Variants in HHIP observed in about 807,000 individuals in gnomAD.
HHIP encodes the protein hedgehog interacting protein.
Under a neutral mutation model 74.0 loss-of-function variants are expected in HHIP, and 12 were observed. The observed-to-expected ratio is 0.16, with a 90% CI of 0.10 to 0.26. The LOEUF is 0.26. HHIP is among the 10% of genes least tolerant of loss of function. The pLI, the probability that HHIP is intolerant of heterozygous loss-of-function variation, is 1.00. For missense variants in HHIP, 788 were observed against 845.0 expected (o/e 0.93, Z 0.84); for synonymous variants, 309 against 311.6 (o/e 0.99, Z 0.09).
At position 144,706,608 on chromosome 4, in the gene HHIP, T is replaced by C. The variant is rs1730155595; in HGVS notation, c.909T>C (p.Tyr303=). 1.2e-6 allele frequency: 2 copies of C among 1,613,614 alleles called. No individual in the cohort carries two copies. The highest frequency in any genetic ancestry group is 1.3e-5 in the African/African-American group (1 of 74,922). The change falls in exon 5 of 13, where the codon TAT becomes TAC. Residue 303 remains tyrosine, a synonymous_variant. Coordinates refer to ENST00000296575, the MANE Select transcript of HHIP (RefSeq NM_022475.3). ...AAAATGGAAAGTTGTATGTGTCCTA[T>C]ACCACCAACCAAGAACGGTGGGCTA... The part of the protein sequence containing the change: ...YKKNGKLYVS[Y]TTNQERWAIG...
Position 144,742,962 on chromosome 4 carries a change from A to ATCTTAT in HHIP, c.*5005_*5006insTCTTAT, listed in dbSNP as rs1560729069. On this transcript the variant is annotated 3_prime_UTR_variant, in exon 13 of 13. Coordinates refer to ENST00000296575, the MANE Select transcript of HHIP (RefSeq NM_022475.3). Reference sequence around the variant, plus strand: ...TCTTATATATATATCTTATACATATAAGATATATGTATATATATATACATT... The same window carrying ATCTTAT: ...TCTTATATATATATCTTATACATATATCTTATAGATATATGTATATATATATACATT... 7.7e-3 allele frequency: 35 copies of ATCTTAT among 4,522 alleles called. No individual in the cohort carries two copies. Among genetic ancestry groups the ATCTTAT allele is most frequent in the Admixed American group, 0.01 (1 of 100 alleles). 0.3% of individuals were successfully genotyped at this position (4,522 alleles called of 1,614,324 possible). A position where few individuals can be genotyped will look rare whatever the true frequency, so the allele number is the denominator to read the frequency against.
At position 144,742,791 on chromosome 4, in the gene HHIP, T is replaced by C. The variant is rs1008792132; in HGVS notation, c.*4834T>C. ...CCTCTTTTTGTCACACAAACATAAA[T>C]TGGTCATATATATATTTATATATAT... is the stretch of plus-strand genomic sequence containing the variant. On this transcript the variant is annotated 3_prime_UTR_variant, in exon 13 of 13. Transcript: ENST00000296575. 12 of 146,684 alleles carry C rather than the reference T, an allele frequency of 8.2e-5. No individual in the cohort carries two copies. Among genetic ancestry groups the C allele is most frequent in the Admixed American group, 6.9e-4 (10 of 14,466 alleles). The allele number at this position is 146,684 out of a possible 1,614,324, so 9.1% of individuals were successfully genotyped here.
In HHIP at chr4:144,646,549, T is replaced by A; in HGVS notation, c.-127T>A. On this transcript the variant is annotated 5_prime_UTR_variant, in exon 1 of 13. Transcript: ENST00000296575. ...TGTACATATTTTTGTCCCCGCCACC[T>A]CCCTCTGTCTCTGGAGTGCCCTACA... The A allele has an allele frequency of 1.1e-6, 1 of 918,480 alleles. No homozygotes were observed. Among genetic ancestry groups the A allele is most frequent in the Non-Finnish European group, 1.7e-6 (1 of 602,026 alleles). The allele number at this position is 918,480 out of a possible 1,614,324, so 56.9% of individuals were successfully genotyped here. A position where few individuals can be genotyped will look rare whatever the true frequency, so the allele number is the denominator to read the frequency against.
rs117614023 is a variant in HHIP at position 144,690,144 on chromosome 4, A to C, written c.832-16387A>C. ...TTGGTATGTTTTGAAAGAGAAGATA[A>C]TTGTGTAAAGATAGATGAAATTCAT... On this transcript the variant is annotated intron_variant, in intron 4 of 12. Coordinates refer to ENST00000296575, the MANE Select transcript of HHIP (RefSeq NM_022475.3). Among the ~76,000 whole-genome samples the C allele has an allele frequency of 5.3e-5, 8 of 152,300 alleles. No homozygotes were observed. In the East Asian group the frequency reaches 1.5e-3, roughly 29 times the overall value.
intron 7 of HHIP, among the ~76,000 whole-genome samples, chr4:144,709,463 T>C (rs1244251367): frequency 2.6e-5 from 4 of 152,108 alleles, no homozygotes; most frequent in Non-Finnish European, 5.9e-5. Context: ...TGCAAAAACA[T>C]GGGATGAGGT....
chr4:144,673,683 C>T (rs1194517005), intron 4 of HHIP, among the ~76,000 whole-genome samples: 2 of 152,108 alleles, frequency 1.3e-5, no homozygotes, highest in Admixed American at 1.3e-4. Flanking sequence ...AAAACATAGA[C>T]CTCTAATAAG....
intron 2 of HHIP, among the ~76,000 whole-genome samples, chr4:144,657,037 A>G (rs1310329372): frequency 6.6e-6 from 1 of 152,016 alleles, no homozygotes; most frequent in Non-Finnish European, 1.5e-5. Flanking sequence ...CACACTCCCA[A>G]GGACATCTGC....
At chr4:144,732,065 C>T (rs1033728944) in intron 11 of HHIP, among the ~76,000 whole-genome samples, 4 of 152,080 alleles carry the variant, frequency 2.6e-5, no homozygotes, top group African/African-American at 9.7e-5. Context: ...TATGTAGCTT[C>T]TGCCCTCAGA....
At chr4:144,667,397 C>T (rs550939507) in intron 4 of HHIP, among the ~76,000 whole-genome samples, 4 of 152,074 alleles carry the variant, frequency 2.6e-5, no homozygotes, top group Non-Finnish European at 2.9e-5. Flanking sequence ...GTATAACTTA[C>T]GGGAAACTCA....
chr4:144,681,170 G>C (rs1369269019), intron 4 of HHIP, among the ~76,000 whole-genome samples: 2 of 151,948 alleles, frequency 1.3e-5, no homozygotes, highest in Non-Finnish European at 2.9e-5. Flanking sequence ...TTCTTTATGT[G>C]AAACCCATTG....
rs201501756 is a variant in HHIP at position 144,734,778 on chromosome 4, C to G, written c.1798C>G (p.Pro600Ala). Residue 600 changes from proline (P) to alanine (A), a missense_variant, in exon 12 of 13, where the codon CCT (proline) becomes GCT (alanine). Transcript: ENST00000296575. ...MPEECRATVQPAQTLTSECSR... is the reference protein window; with the variant it reads ...MPEECRATVQAAQTLTSECSR... The stretch of plus-strand genomic sequence containing the variant: ...TGAGGAATGCAGAGCCACGGTACAA[C>G]CTGCACAGACACTGACTTCAGAGTG... 8 of 1,610,012 alleles carry G rather than the reference C, an allele frequency of 5.0e-6. No individual in the cohort carries two copies. The highest frequency in any genetic ancestry group is 6.8e-6 in the Non-Finnish European group (8 of 1,176,950).
At chr4:144,698,043 T>C (rs561718798) in intron 4 of HHIP, among the ~76,000 whole-genome samples, 12 of 152,298 alleles carry the variant, frequency 7.9e-5, no homozygotes, top group African/African-American at 2.9e-4. Context: ...TGTCTGCATC[T>C]GCTACCTTCA....
At chr4:144,664,962 A>T (rs1728821028) in intron 4 of HHIP, among the ~76,000 whole-genome samples, 1 of 152,240 alleles carries the variant, frequency 6.6e-6, no homozygotes, top group East Asian at 1.9e-4. Flanking sequence ...CAAAATAAAA[A>T]TTTTTAAGCA....
chr4:144,725,203 A>C (rs1730763136), intron 11 of HHIP, among the ~76,000 whole-genome samples: 1 of 152,190 alleles, frequency 6.6e-6, no homozygotes, highest in African/African-American at 2.4e-5. Context: ...TTTTTTGAAA[A>C]GATGTTTTCT....
At chr4:144,662,421 C>A (rs1316953860) in intron 4 of HHIP, among the ~76,000 whole-genome samples, 1 of 152,110 alleles carries the variant, frequency 6.6e-6, no homozygotes, top group African/African-American at 2.4e-5. Flanking sequence ...GATTGTAGTA[C>A]CCTGGGGGCT....
Position 144,652,681 on chromosome 4 carries a change from C to T in HHIP, c.356C>T (p.Ser119Phe). ...EIKCALCSPH[S>F]QSLFHSPERE... ...AAATGTGCACTTTGCTCTCCACATT[C>T]TCAAAGCCTGTTCCACTCACCTGAG... The change falls in exon 2 of 13, where the codon TCT (serine) becomes TTT (phenylalanine). Residue 119 changes from serine to phenylalanine, a missense_variant. Ser to Phe is a radical substitution (Grantham distance 155). Transcript: ENST00000296575. The T allele has an allele frequency of 6.2e-7, 1 of 1,611,656 alleles. No individual in the cohort carries two copies. Among genetic ancestry groups the T allele is most frequent in the South Asian group, 1.1e-5 (1 of 90,984 alleles).
chr4:144,662,967 A>G (rs956154733), intron 4 of HHIP, among the ~76,000 whole-genome samples: 20 of 152,206 alleles, frequency 1.3e-4, no homozygotes, highest in African/African-American at 4.3e-4. Flanking sequence ...GCTTCACAGT[A>G]TAATCACCCA....
At chr4:144,695,231 G>C (rs1233336682) in intron 4 of HHIP, among the ~76,000 whole-genome samples, 1 of 151,664 alleles carries the variant, frequency 6.6e-6, no homozygotes, top group Non-Finnish European at 1.5e-5. Flanking sequence ...AGAAAGAATT[G>C]AACCTCTCCA....
intron 2 of HHIP, among the ~76,000 whole-genome samples, chr4:144,657,421 T>A (rs1360671679): frequency 6.6e-6 from 1 of 152,088 alleles, no homozygotes; most frequent in Non-Finnish European, 1.5e-5. Flanking sequence ...GAAAATATAA[T>A]TTGTTATATA....
Sources: allele counts gnomAD v4.1 joint callset (sites outside exome capture counted in the v4.1 genomes callset), GRCh38; gene constraint gnomAD v4.1.1; transcripts MANE v1.5; gene names NCBI Gene and HGNC (gene_info 2026-07-23, HGNC 2026-07-21).